RIC1: variants seen among roughly 807,000 people sequenced by gnomAD.
RIC1 encodes guanine nucleotide exchange factor subunit RIC1.
In RIC1, 88 loss-of-function variants were observed where a neutral mutation model predicts 169.0. The ratio of observed to expected loss-of-function variants is 0.52; its 90% CI spans 0.44 to 0.62. The LOEUF (loss-of-function observed/expected upper bound fraction) is 0.62, where lower values mean the gene tolerates loss of function less well. RIC1 is among the 20% of genes least tolerant of loss of function. The pLI, the probability that RIC1 is intolerant of heterozygous loss-of-function variation, is 0.00. For missense variants in RIC1, 1,877 were observed against 1,725.5 expected, an observed-to-expected ratio of 1.09 and a Z score of -1.56; for synonymous variants, 790 against 601.5, an observed-to-expected ratio of 1.31 and a Z score of -4.59.
intron 2 of RIC1, among the ~76,000 whole-genome samples, chr9:5,671,615 A>T (rs955846419): frequency 1.3e-5 from 2 of 152,228 alleles, no homozygotes; most frequent in African/African-American, 4.8e-5. Context: ...TGAAAATAAA[A>T]AAGAACCTGT....
At chr9:5,633,530 A>T (rs1237652505) in intron 1 of RIC1, among the ~76,000 whole-genome samples, 3 of 152,088 alleles carry the variant, frequency 2.0e-5, no homozygotes, top group Non-Finnish European at 4.4e-5. Context: ...ACCTACCGTA[A>T]CCATAAGTGT....
At position 5,746,047 on chromosome 9, in the gene RIC1, G is replaced by A. The variant is rs753863995; in HGVS notation, c.1212G>A (p.Gln404=). ...AACAGCCCAGCATCCTGTTATTTCAGTTTATTAAGAGTGTACTCACTGTAA... is the reference window on the plus strand; with the variant it reads ...AACAGCCCAGCATCCTGTTATTTCAATTTATTAAGAGTGTACTCACTGTAA... ...VVKQPSILLF[Q]FIKSVLTVNP... is the part of the protein sequence containing the mutation. Residue 404 remains glutamine, a synonymous_variant, in exon 11 of 26, where the codon CAG becomes CAA. Transcript: ENST00000414202. 22 of 1,613,464 alleles carry A rather than the reference G, an allele frequency of 1.4e-5. No individual in the cohort carries two copies. Among genetic ancestry groups the A allele is most frequent in the African/African-American group, 1.1e-4 (8 of 74,854 alleles).
rs182936037 is a variant in RIC1, at chr9:5,724,404, C to A, written c.720+3654C>A. On this transcript the variant is annotated intron_variant, in intron 6 of 25. Coordinates refer to ENST00000414202, the MANE Select transcript of RIC1 (RefSeq NM_020829.4). The stretch of plus-strand genomic sequence containing the variant: ...GGAATGCTTGTGATTTTTGCACATT[C>A]ATTTTGTATCCTGAGACTTTGCTGA... Among the ~76,000 whole-genome samples the A allele has an allele frequency of 1.3e-5, 2 of 152,124 alleles. 1 individual carries two copies. Among genetic ancestry groups the A allele is most frequent in the South Asian group, 4.1e-4 (2 of 4,836 alleles).
chr9:5,749,310 C>A (rs1018187716), intron 12 of RIC1, among the ~76,000 whole-genome samples: 1 of 152,214 alleles, frequency 6.6e-6, no homozygotes, highest in African/African-American at 2.4e-5. Context: ...ATTTCGCTGG[C>A]ACTCCAGCTA....
chr9:5,629,513 ACC>A (rs1194095241), intron 1 of RIC1, 60 bp downstream of exon 1: 4 of 1,478,026 alleles, frequency 2.7e-6, no homozygotes, highest in Non-Finnish European at 3.6e-6. Context: ...GCGCCGTCCC[ACC>A]CCCAACTTCC....
intron 2 of RIC1, among the ~76,000 whole-genome samples, chr9:5,660,191 C>G (rs959273899): frequency 1.3e-5 from 2 of 152,120 alleles, no homozygotes; most frequent in African/African-American, 4.8e-5. Flanking sequence ...GATCTTGTTC[C>G]TTTTTGTGGC....
At chr9:5,727,110 G>C (rs1047278726) in intron 6 of RIC1, among the ~76,000 whole-genome samples, 1 of 152,176 alleles carries the variant, frequency 6.6e-6, no homozygotes, top group African/African-American at 2.4e-5. Flanking sequence ...TGCCTTGCTA[G>C]GTTGGGGAAG....
At position 5,689,092 on chromosome 9, in the gene RIC1, AGC is replaced by A. The variant is rs1821438020; in HGVS notation, c.253-865_253-864del. 3.6e-5 allele frequency among the ~76,000 whole-genome samples: 4 copies of A among 110,366 alleles called. No homozygotes were observed. The South Asian group carries it at 9.3e-4, about 26-fold the overall frequency. The allele number at this position is 110,366 out of a possible 152,430, so 72.4% of individuals were successfully genotyped here. On this transcript the variant is annotated intron_variant, in intron 2 of 25. Transcript: ENST00000414202. ...GAGACGGAGTCTCGCTCTGTCGCCC[AGC>A]GGGGAGTGCAGTGGCGCGATCTTAG...
Position 5,774,085 on chromosome 9 carries a change from AG to A in RIC1, c.4112del (p.Ser1371ThrfsTer66). On this transcript the variant is annotated frameshift_variant, in exon 26 of 26. Transcript: ENST00000414202. LOFTEE classifies it high-confidence loss of function. The part of the protein sequence containing the change: ...ITMGKTPEQT[S>X]PRAEESRGSS... ...TATGGGTAAGACTCCAGAACAGACT[AG>A]CCCCCGGGCAGAGGAGAGCAGGGGC... 3 of 1,614,110 alleles carry A rather than the reference AG, an allele frequency of 1.9e-6. No individual in the cohort carries two copies. The highest frequency in any genetic ancestry group is 1.7e-6 in the Non-Finnish European group (2 of 1,179,994).
intron 2 of RIC1, among the ~76,000 whole-genome samples, chr9:5,662,229 C>T (rs1819494254): frequency 6.6e-6 from 1 of 151,954 alleles, no homozygotes; most frequent in Non-Finnish European, 1.5e-5. Flanking sequence ...TGGATATTTG[C>T]CAGTATTTTG....
At position 5,629,164 on chromosome 9, in the gene RIC1, C is replaced by A; in HGVS notation, c.-146C>A. 1 of 760,814 alleles carries A rather than the reference C, an allele frequency of 1.3e-6. No individual in the cohort carries two copies. The highest frequency in any genetic ancestry group is 3.7e-5 in the East Asian group (1 of 27,258). The allele number at this position is 760,814 out of a possible 1,614,324, so 47.1% of individuals were successfully genotyped here. On this transcript the variant is annotated 5_prime_UTR_variant, in exon 1 of 26. Coordinates refer to ENST00000414202, the MANE Select transcript of RIC1 (RefSeq NM_020829.4). The stretch of plus-strand genomic sequence containing the variant: ...GTCGCGCAGCCTTGCGTCGGCCCGG[C>A]CCGGCCAGGCCAGCGGGCAGATGCC...
At chr9:5,694,981 C>G (rs1821804770) in intron 3 of RIC1, among the ~76,000 whole-genome samples, 1 of 152,054 alleles carries the variant, frequency 6.6e-6, no homozygotes, top group Non-Finnish European at 1.5e-5. Context: ...ACAAAAAGCC[C>G]TGCTGATAGA....
chr9:5,718,735 A>G (rs914175874), intron 4 of RIC1, among the ~76,000 whole-genome samples: 6 of 152,244 alleles, frequency 3.9e-5, no homozygotes, highest in Admixed American at 3.3e-4. Context: ...AAATTAATAT[A>G]TAATGCTTTA....
intron 3 of RIC1, among the ~76,000 whole-genome samples, chr9:5,693,468 G>T (rs1821704440): frequency 6.6e-6 from 1 of 152,226 alleles, no homozygotes; most frequent in Middle Eastern, 3.4e-3. Flanking sequence ...AAGTGACTCT[G>T]TACCTCAAAG....
At chr9:5,745,554 A>G (rs995964206) in intron 10 of RIC1, among the ~76,000 whole-genome samples, 10 of 152,164 alleles carry the variant, frequency 6.6e-5, no homozygotes, top group African/African-American at 2.2e-4. Flanking sequence ...CTTCTTTGCC[A>G]GGCTTCTACT....
intron 3 of RIC1, among the ~76,000 whole-genome samples, chr9:5,698,710 C>G (rs1024920156): frequency 2.0e-5 from 3 of 152,134 alleles, no homozygotes; most frequent in Non-Finnish European, 2.9e-5. Context: ...AAGCCATTTT[C>G]TAAAGTTGCT....
intron 4 of RIC1, among the ~76,000 whole-genome samples, chr9:5,715,372 C>G (rs1422552295): frequency 6.6e-6 from 1 of 152,146 alleles, no homozygotes; most frequent in Admixed American, 6.5e-5. Flanking sequence ...ATTCTGCCAT[C>G]TTGTCCAAGT....
At chr9:5,692,381 C>G (rs955895337) in intron 3 of RIC1, among the ~76,000 whole-genome samples, 1 of 151,984 alleles carries the variant, frequency 6.6e-6, no homozygotes, top group African/African-American at 2.4e-5. Flanking sequence ...AAGCACCTAG[C>G]TTATGGGATA....
At chr9:5,709,207 TAAG>T (rs1822782364) in intron 3 of RIC1, among the ~76,000 whole-genome samples, 1 of 152,186 alleles carries the variant, frequency 6.6e-6, no homozygotes, top group Non-Finnish European at 1.5e-5. Context: ...CACCTAATTT[TAAG>T]AAGGCAGGAA....
Sources: allele counts gnomAD v4.1 joint callset (sites outside exome capture counted in the v4.1 genomes callset), GRCh38; gene constraint gnomAD v4.1.1; transcripts MANE v1.5; gene names NCBI Gene and HGNC (gene_info 2026-07-23, HGNC 2026-07-21).